Variants in SLC7A1 observed in about 807,000 individuals in gnomAD.
SLC7A1 encodes high affinity cationic amino acid transporter 1.
SLC7A1 carries 10 observed loss-of-function variants against 53.9 expected under a neutral mutation model. That is an observed-to-expected ratio of 0.19 (90% CI 0.11 to 0.31). SLC7A1 has a LOEUF of 0.31. SLC7A1 is among the 10% of genes least tolerant of loss of function. The pLI, the probability that SLC7A1 is intolerant of heterozygous loss-of-function variation, is 1.00. For synonymous variants in SLC7A1, 342 were observed against 338.7 expected (o/e 1.01, Z -0.11); for missense variants, 525 against 827.2 (o/e 0.63, Z 4.48).
At chr13:29,585,871 A>G (rs73154451) in intron 1 of SLC7A1, among the ~76,000 whole-genome samples, 11,290 of 152,246 alleles carry the variant, frequency 0.074, 567 homozygotes, top group Non-Finnish European at 0.11. Context: ...GGGAAGCTGC[A>G]TTTTTAGATA....
intron 7 of SLC7A1, 139 bp from the exon 8 acceptor site, chr13:29,522,595 G>C: frequency 1.3e-6 from 1 of 777,838 alleles, no homozygotes; most frequent in Non-Finnish European, 2.1e-6. Context: ...CGCTGGGTGA[G>C]GCCTGTGGCT....
intron 8 of SLC7A1, among the ~76,000 whole-genome samples, chr13:29,520,571 G>A (rs1289603971): frequency 1.3e-5 from 2 of 152,122 alleles, no homozygotes; most frequent in African/African-American, 2.4e-5. Flanking sequence ...GAGAGTATAC[G>A]TGTCTATTCA....
At chr13:29,545,226 A>C (rs1869861529) in intron 2 of SLC7A1, among the ~76,000 whole-genome samples, 1 of 152,206 alleles carries the variant, frequency 6.6e-6, no homozygotes, top group South Asian at 2.1e-4. Flanking sequence ...GTTACAGATT[A>C]AAATCTAAAG....
Position 29,514,511 on chromosome 13 carries a change from G to T in SLC7A1, c.1859C>A (p.Thr620Asn), listed in dbSNP as rs147599728. The change falls in exon 13 of 13, where the codon ACT becomes AAT. Residue 620 changes from threonine to asparagine, a missense_variant. Thr to Asn is a moderately conservative substitution (Grantham distance 65). Around this residue, in one of 4 missense-constraint regions of SLC7A1, gnomAD observed 41 missense variants for 61.3 expected, o/e 0.67. Coordinates refer to ENST00000380752, the MANE Select transcript of SLC7A1 (RefSeq NM_003045.5). Reference sequence around the variant, plus strand: ...GCACTGGTCCAAGTTGCCGTCAGGAGTCCTTGCTTGGTCGGCATCCAGGGA... The same window carrying T: ...GCACTGGTCCAAGTTGCCGTCAGGATTCCTTGCTTGGTCGGCATCCAGGGA... ...EASLDADQARTPDGNLDQCK is the reference protein window; with the variant it reads ...EASLDADQARNPDGNLDQCK 65 of 1,610,956 alleles carry T rather than the reference G, an allele frequency of 4.0e-5. No homozygotes were observed. The highest frequency in any genetic ancestry group is 5.3e-5 in the Non-Finnish European group (63 of 1,179,834).
chr13:29,542,681 C>CAAA (rs141880332), intron 2 of SLC7A1, among the ~76,000 whole-genome samples: 3,378 of 137,370 alleles, frequency 0.025, 61 homozygotes, highest in Non-Finnish European at 0.037. Flanking sequence ...GACCCTGTTT[C>CAAA]AAAAAAAAAA....
intron 2 of SLC7A1, among the ~76,000 whole-genome samples, chr13:29,547,139 C>T (rs984230012): frequency 2.6e-5 from 4 of 152,124 alleles, no homozygotes; most frequent in African/African-American, 4.8e-5. Context: ...TTATTTGTTA[C>T]CCTGTCTGAA....
chr13:29,592,726 C>T (rs1872160597), intron 1 of SLC7A1, among the ~76,000 whole-genome samples: 1 of 152,178 alleles, frequency 6.6e-6, no homozygotes. Flanking sequence ...AATGAAGCTA[C>T]TACTCTGTTC....
At chr13:29,571,718 C>T (rs889617753) in intron 1 of SLC7A1, among the ~76,000 whole-genome samples, 2 of 152,338 alleles carry the variant, frequency 1.3e-5, no homozygotes, top group African/African-American at 4.8e-5. Flanking sequence ...AAAAGGATTG[C>T]CCAGTCCAGA....
chr13:29,539,971 T>C (rs554567425), intron 2 of SLC7A1, among the ~76,000 whole-genome samples: 1 of 152,322 alleles, frequency 6.6e-6, no homozygotes, highest in East Asian at 1.9e-4. Flanking sequence ...TTAAGAAATA[T>C]CCTGTCTCCT....
intron 2 of SLC7A1, among the ~76,000 whole-genome samples, chr13:29,548,634 C>T (rs138079522): frequency 2.9e-4 from 44 of 152,368 alleles, no homozygotes; most frequent in African/African-American, 1.1e-3. Context: ...ATACAGAGCA[C>T]GAGGACTTCC....
rs1426744386 is a variant in SLC7A1 at position 29,530,519 on chromosome 13, G to C, written c.704+19C>G. 6.2e-7 allele frequency: 1 copy of C among 1,610,860 alleles called. No homozygotes were observed. The highest frequency in any genetic ancestry group is 1.3e-5 in the African/African-American group (1 of 74,776). ...CATTAAATGTCAACTAAGAAAAATG[G>C]TCAGAAGCAGCAACTCACTTGTTCA... is the stretch of plus-strand genomic sequence containing the variant. On this transcript the variant is annotated intron_variant, in intron 5 of 12. Transcript: ENST00000380752.
intron 1 of SLC7A1, among the ~76,000 whole-genome samples, chr13:29,588,301 C>T (rs560047645): frequency 7.2e-5 from 11 of 152,226 alleles, no homozygotes; most frequent in African/African-American, 2.4e-4. Flanking sequence ...AGGAAATATA[C>T]ACTGAAGTAT....
At chr13:29,548,739 C>T (rs902992155) in intron 2 of SLC7A1, among the ~76,000 whole-genome samples, 2 of 152,246 alleles carry the variant, frequency 1.3e-5, no homozygotes, top group Non-Finnish European at 1.5e-5. Flanking sequence ...AACACCTTTG[C>T]GTAAGCAAAT....
intron 1 of SLC7A1, among the ~76,000 whole-genome samples, chr13:29,569,545 G>T (rs1435467658): frequency 6.6e-6 from 1 of 152,118 alleles, no homozygotes; most frequent in Non-Finnish European, 1.5e-5. Context: ...ATGAGGCGGG[G>T]GCTGCAATAA....
At chr13:29,584,285 G>A (rs1299125101) in intron 1 of SLC7A1, among the ~76,000 whole-genome samples, 2 of 152,066 alleles carry the variant, frequency 1.3e-5, no homozygotes, top group East Asian at 3.9e-4. Context: ...CTACTCGGGA[G>A]CTGTACTGCG....
At chr13:29,527,228 T>TAC (rs111322670) in intron 5 of SLC7A1, among the ~76,000 whole-genome samples, 8 of 151,784 alleles carry the variant, frequency 5.3e-5, no homozygotes, top group Admixed American at 4.6e-4. Flanking sequence ...ACTGGAAGCT[T>TAC]ACACACACAC....
At chr13:29,517,441 G>C in intron 10 of SLC7A1, 131 bp from the exon 11 acceptor site, 1 of 1,215,368 alleles carries the variant, frequency 8.2e-7, no homozygotes, top group Non-Finnish European at 1.2e-6. Flanking sequence ...AGTTAACACA[G>C]AGTAACTATG....
rs1444696635 is a variant in SLC7A1, at chr13:29,513,447, C to G, written c.*1033G>C. 1.3e-5 allele frequency: 2 copies of G among 152,598 alleles called. No homozygotes were observed. Among genetic ancestry groups the G allele is most frequent in the Non-Finnish European group, 2.9e-5 (2 of 67,998 alleles). 9.5% of individuals were successfully genotyped at this position (152,598 alleles called of 1,614,324 possible). On this transcript the variant is annotated 3_prime_UTR_variant, in exon 13 of 13. Transcript: ENST00000380752. ...TTCATCATGTCACAGAGAGGCCAGA[C>G]AGCTTATGTCAGGGCCAGAAACGCA...
At chr13:29,537,072 CT>C (rs1414544212) in intron 2 of SLC7A1, among the ~76,000 whole-genome samples, 1 of 152,224 alleles carries the variant, frequency 6.6e-6, no homozygotes, top group Non-Finnish European at 1.5e-5. Flanking sequence ...CAGGTGAGCC[CT>C]TGGCAAGGAC....
Sources: gnomAD v4.1 joint callset for allele counts (sites outside exome capture counted in the v4.1 genomes callset) on GRCh38, gnomAD v4.1.1 for gene constraint, gnomAD v4.1.1 regional missense constraint, MANE v1.5 for transcripts, NCBI Gene and HGNC (gene_info 2026-07-23, HGNC 2026-07-21) for gene names.